Variants in CALCRL observed in about 807,000 individuals in gnomAD.
CALCRL encodes the protein calcitonin gene-related peptide type 1 receptor.
Under a neutral mutation model 60.4 loss-of-function variants are expected in CALCRL, and 27 were observed. The observed-to-expected ratio is 0.45, with a 90% CI of 0.33 to 0.62. The LOEUF is 0.62. Ranked by LOEUF, CALCRL falls within the 20% of genes least tolerant of loss-of-function variation. The probability of loss-of-function intolerance (pLI) is 0.03; values close to 1 mark genes in which losing one functional copy is unlikely to be tolerated. For missense variants in CALCRL, 424 were observed against 540.7 expected (o/e 0.78, Z 2.14); for synonymous variants, 190 against 182.6 (o/e 1.04, Z -0.33).
intron 1 of CALCRL, among the ~76,000 whole-genome samples, chr2:187,410,713 G>A (rs1370308124): frequency 6.6e-6 from 1 of 152,152 alleles, no homozygotes; most frequent in Non-Finnish European, 1.5e-5. Context: ...AGCCCACAGG[G>A]GAAGAATGTT....
rs750954926 is a variant in CALCRL, at chr2:187,351,872, CAGAT to C, written c.1170+44_1170+47del. On this transcript the variant is annotated intron_variant, in intron 14 of 14. Transcript: ENST00000392370. ...TCATTTAAATACATGGATAGATAGACAGATAGCAAATATAAAATAATAGAAGGAA... is the reference window on the plus strand; with the variant it reads ...TCATTTAAATACATGGATAGATAGACAGCAAATATAAAATAATAGAAGGAA... 3.0e-5 allele frequency: 34 copies of C among 1,128,362 alleles called. 2 individuals carry two copies. Among genetic ancestry groups the C allele is most frequent in the South Asian group, 1.9e-4 (14 of 73,720 alleles). The allele number at this position is 1,128,362 out of a possible 1,614,324, so 69.9% of individuals were successfully genotyped here.
chr2:187,359,313 T>C (rs955922722), intron 10 of CALCRL, 41 bp from the exon 11 acceptor site: 4 of 1,403,604 alleles, frequency 2.8e-6, no homozygotes, highest in African/African-American at 2.9e-5. Context: ...AGGCATTTTT[T>C]CTACAGATGG....
intron 1 of CALCRL, among the ~76,000 whole-genome samples, chr2:187,419,120 G>A (rs757627837): frequency 5.7e-5 from 8 of 141,180 alleles, no homozygotes; most frequent in Admixed American, 3.9e-4. Flanking sequence ...TGATCCACCC[G>A]CCTCGGACTT....
At chr2:187,366,076 T>C (rs1454546335) in intron 8 of CALCRL, among the ~76,000 whole-genome samples, 1 of 150,462 alleles carries the variant, frequency 6.6e-6, no homozygotes, top group Non-Finnish European at 1.5e-5. Flanking sequence ...ACCCCGTCTC[T>C]ACTAAAAATA....
At chr2:187,406,167 C>A (rs1574285336) in intron 1 of CALCRL, among the ~76,000 whole-genome samples, 1 of 138,430 alleles carries the variant, frequency 7.2e-6, no homozygotes. Context: ...CAACACAAAA[C>A]AAACCAAACC....
At chr2:187,387,522 G>A in intron 2 of CALCRL, 29 bp from the exon 3 acceptor site, 1 of 342,912 alleles carries the variant, frequency 2.9e-6, no homozygotes, top group Non-Finnish European at 5.2e-6. Flanking sequence ...AAAATACCAT[G>A]AATCATTGTA....
At chr2:187,370,317 A>G (rs1687466746) in intron 8 of CALCRL, among the ~76,000 whole-genome samples, 1 of 152,122 alleles carries the variant, frequency 6.6e-6, no homozygotes, top group African/African-American at 2.4e-5. Flanking sequence ...TAATAATGGA[A>G]AACCTGATTG....
chr2:187,439,163 G>T (rs1407068066), intron 1 of CALCRL, among the ~76,000 whole-genome samples: 3 of 151,976 alleles, frequency 2.0e-5, no homozygotes, highest in East Asian at 3.9e-4. Context: ...TGGAGCTTAC[G>T]TGTTAGTGGG....
At chr2:187,407,577 C>T (rs941420749) in intron 1 of CALCRL, among the ~76,000 whole-genome samples, 1 of 151,894 alleles carries the variant, frequency 6.6e-6, no homozygotes, top group African/African-American at 2.4e-5. Context: ...TGCATTTTCG[C>T]CTATTAATCT....
At chr2:187,352,411 T>C (rs1430778698) in intron 12 of CALCRL, 79 bp from the exon 13 acceptor site, 2 of 774,738 alleles carry the variant, frequency 2.6e-6, no homozygotes, top group African/African-American at 3.5e-5. Context: ...TCTCCAATTT[T>C]ATAAATCTTA....
intron 12 of CALCRL, among the ~76,000 whole-genome samples, chr2:187,356,351 A>G (rs921133155): frequency 6.6e-6 from 1 of 152,100 alleles, no homozygotes; most frequent in African/African-American, 2.4e-5. Flanking sequence ...AAATAACACC[A>G]CACTTCTACA....
chr2:187,437,091 T>G (rs1690675819), intron 1 of CALCRL, among the ~76,000 whole-genome samples: 1 of 152,204 alleles, frequency 6.6e-6, no homozygotes, highest in Non-Finnish European at 1.5e-5. Context: ...CATTAATTTT[T>G]GGGTCAATCT....
chr2:187,371,552 G>A (rs72902452), intron 8 of CALCRL, among the ~76,000 whole-genome samples: 12,026 of 152,110 alleles, frequency 0.079, 647 homozygotes, highest in South Asian at 0.17. Flanking sequence ...AATTAGTAGA[G>A]CAAACTCTAT....
chr2:187,410,973 A>G (rs1229184851), intron 1 of CALCRL, among the ~76,000 whole-genome samples: 1 of 152,122 alleles, frequency 6.6e-6, no homozygotes, highest in Admixed American at 6.6e-5. Context: ...TCCGACTTTT[A>G]TATAAAAGAA....
rs199742582 is a variant in CALCRL, at chr2:187,358,740, C to G, written c.909+323G>C. Among the ~76,000 whole-genome samples the G allele has an allele frequency of 3.3e-5, 5 of 152,076 alleles. No individual in the cohort carries two copies. In the East Asian group the frequency reaches 9.6e-4, roughly 29 times the overall value. On this transcript the variant is annotated intron_variant, in intron 12 of 14. Coordinates refer to ENST00000392370, the MANE Select transcript of CALCRL (RefSeq NM_005795.6). ...TGGTTTTGGCAGTGGTTGTTTTTCT[C>G]TACTCAAGATCAGATCTCTTACTGG... is the stretch of plus-strand genomic sequence containing the variant.
rs149206154 is a variant in CALCRL, at chr2:187,412,399, A to C, written c.-292-24643T>G. Reference sequence around the variant, plus strand: ...AAGGGGGCTCAAGAGCATGGGCTCCAGTCTCATTATGGCATCTGACTTGGG... The same window carrying C: ...AAGGGGGCTCAAGAGCATGGGCTCCCGTCTCATTATGGCATCTGACTTGGG... On this transcript the variant is annotated intron_variant, in intron 1 of 14. Transcript: ENST00000392370. 5.9e-4 allele frequency among the ~76,000 whole-genome samples: 90 copies of C among 152,306 alleles called. 1 individual carries two copies. Among genetic ancestry groups the C allele is most frequent in the South Asian group, 1.7e-3 (8 of 4,822 alleles).
rs1688268155 is a variant in CALCRL, at chr2:187,387,775, T to C, written c.-292-19A>G. Reference sequence around the variant, plus strand: ...TCAAGACCTGAAATATTGATGAATGTAATAATTTAATATTATGCTAATGAC... The same window carrying C: ...TCAAGACCTGAAATATTGATGAATGCAATAATTTAATATTATGCTAATGAC... On this transcript the variant is annotated intron_variant, in intron 1 of 14. Transcript: ENST00000392370. 2.5e-6 allele frequency: 1 copy of C among 395,310 alleles called. No homozygotes were observed. The highest frequency in any genetic ancestry group is 1.3e-4 in the South Asian group (1 of 7,816). The allele number at this position is 395,310 out of a possible 1,614,324, so 24.5% of individuals were successfully genotyped here. A position where few individuals can be genotyped will look rare whatever the true frequency, so the allele number is the denominator to read the frequency against.
At position 187,375,425 on chromosome 2, in the gene CALCRL, G is replaced by A. The variant is rs546163227; in HGVS notation, c.500+3515C>T. Among the ~76,000 whole-genome samples the A allele has an allele frequency of 2.4e-4, 36 of 152,196 alleles. No homozygotes were observed. The South Asian group carries it at 6.6e-3, about 28-fold the overall frequency. On this transcript the variant is annotated intron_variant, in intron 8 of 14. Transcript: ENST00000392370. ...TGTACTTTCAGTGAAAACTTCAAGT[G>A]GAAGTAAGGTAATTATTTGAAAAAC...
At chr2:187,415,612 G>A (rs966917144) in intron 1 of CALCRL, 10 of 601,250 alleles carry the variant, frequency 1.7e-5, no homozygotes, top group African/African-American at 5.7e-5. Flanking sequence ...TTATGATGAC[G>A]TCAAGAAGGT....
Sources: allele counts gnomAD v4.1 joint callset (sites outside exome capture counted in the v4.1 genomes callset), GRCh38; gene constraint gnomAD v4.1.1; transcripts MANE v1.5; gene names NCBI Gene and HGNC (gene_info 2026-07-23, HGNC 2026-07-21).